Variants in RNF213 observed in about 807,000 individuals in gnomAD.
RNF213 encodes ring finger protein 213, also known as E3 ubiquitin-protein ligase RNF213.
Under a neutral mutation model 514.4 loss-of-function variants are expected in RNF213, and 341 were observed. That is an observed-to-expected ratio of 0.66 (90% CI 0.61 to 0.73). RNF213 has a LOEUF of 0.73. RNF213 is among the 30% of genes least tolerant of loss of function. RNF213 has a pLI of 0.00. For missense variants in RNF213, 5,767 were observed against 6,615.6 expected, an observed-to-expected ratio of 0.87 and a Z score of 4.45; for synonymous variants, 2,655 against 2,658.2, an observed-to-expected ratio of 1.00 and a Z score of 0.04.
chr17:80,362,630 C>T (rs955390273), intron 39 of RNF213, among the ~76,000 whole-genome samples: 4 of 152,242 alleles, frequency 2.6e-5, no homozygotes, highest in African/African-American at 9.6e-5. Flanking sequence ...GGGCGCCCTG[C>T]AGGGCTGCGT....
intron 15 of RNF213, among the ~76,000 whole-genome samples, chr17:80,313,797 A>G (rs1275175179): frequency 4.4e-4 from 51 of 116,164 alleles, no homozygotes; most frequent in African/African-American, 6.1e-4. Context: ...GGTGAAGGTG[A>G]TGGTGGAGGT....
chr17:80,278,243 C>T (rs1026915718), intron 3 of RNF213, among the ~76,000 whole-genome samples: 13 of 152,270 alleles, frequency 8.5e-5, no homozygotes, highest in African/African-American at 2.4e-4. Flanking sequence ...CGGCGATGCC[C>T]GGTGTGGTGT....
At chr17:80,351,846 T>C in intron 32 of RNF213, 43 bp downstream of exon 32, 1 of 1,093,908 alleles carries the variant, frequency 9.1e-7, no homozygotes, top group Non-Finnish European at 1.4e-6. Flanking sequence ...TATGTATTTA[T>C]TTATTTATTT....
intron 13 of RNF213, 29 bp downstream of exon 13, chr17:80,307,230 C>A (rs369199800): frequency 6.2e-7 from 1 of 1,609,622 alleles, no homozygotes; most frequent in East Asian, 2.2e-5. Flanking sequence ...GCAGTCTCTC[C>A]CTCACATGCG....
intron 18 of RNF213, among the ~76,000 whole-genome samples, 163 bp downstream of exon 18, chr17:80,325,361 G>A (rs1174669928): frequency 6.6e-6 from 1 of 152,278 alleles, no homozygotes; most frequent in East Asian, 1.9e-4. Flanking sequence ...AAGGCTCAGA[G>A]TGTCTTGCGT....
Position 80,385,089 on chromosome 17 carries a change from A to G in RNF213, c.14373A>G (p.Gln4791=). 1.2e-6 allele frequency: 2 copies of G among 1,614,150 alleles called. No homozygotes were observed. Among genetic ancestry groups the G allele is most frequent in the Middle Eastern group, 1.6e-4 (1 of 6,062 alleles). ...TCCTGCCTGAGATTTTGGCCTTGCA[A>G]AGGGATCTAGTGAAGCAGTTCCAGA... is the stretch of plus-strand genomic sequence containing the variant. ...VKFLPEILAL[Q]RDLVKQFQNV... The change falls in exon 60 of 68, where the codon CAA becomes CAG. Residue 4791 remains glutamine (Q), a synonymous_variant. Transcript: ENST00000582970.
intron 36 of RNF213, among the ~76,000 whole-genome samples, chr17:80,356,565 G>C (rs1348081833): frequency 1.3e-5 from 2 of 152,174 alleles, no homozygotes; most frequent in Admixed American, 1.3e-4. Flanking sequence ...TTGCCCTCTC[G>C]GGATTAAACA....
At chr17:80,383,612 G>A in intron 58 of RNF213, 65 bp from the exon 59 acceptor site, 1 of 1,552,280 alleles carries the variant, frequency 6.4e-7, no homozygotes, top group African/African-American at 1.4e-5. Flanking sequence ...GAGTTACTGG[G>A]TGTTACAATC....
At chr17:80,331,546 G>A (rs984776272) in intron 20 of RNF213, among the ~76,000 whole-genome samples, 13 of 151,924 alleles carry the variant, frequency 8.6e-5, no homozygotes, top group Middle Eastern at 3.4e-3. Flanking sequence ...GCTCCACCAC[G>A]CCTGGCTAAT....
At chr17:80,319,757 G>A (rs553455073) in intron 17 of RNF213, 42 of 1,314,694 alleles carry the variant, frequency 3.2e-5, no homozygotes, top group South Asian at 1.1e-4. Context: ...AGCTCTTTTC[G>A]GCAAAGGGGA....
intron 15 of RNF213, among the ~76,000 whole-genome samples, chr17:80,313,917 G>C (rs1598991218): frequency 1.7e-4 from 1 of 5,994 alleles, no homozygotes; most frequent in Non-Finnish European, 3.1e-4. Flanking sequence ...GGTGGTGATG[G>C]TGGAGGTGGT....
rs778930203 is a variant in RNF213, at chr17:80,371,856, A to G, written c.12426-18A>G. On this transcript the variant is annotated intron_variant, in intron 46 of 67. Transcript: ENST00000582970. ...TCCAGATCTGAGAGAACCAGGAATA[A>G]TATTTCTCTTTCTGCAGCTTTCATG... The G allele has an allele frequency of 1.6e-6, 2 of 1,240,324 alleles. No homozygotes were observed. The highest frequency in any genetic ancestry group is 1.2e-5 in the South Asian group (1 of 82,598). The allele number at this position is 1,240,324 out of a possible 1,614,324, so 76.8% of individuals were successfully genotyped here. A position where few individuals can be genotyped will look rare whatever the true frequency, so the allele number is the denominator to read the frequency against.
intron 46 of RNF213, among the ~76,000 whole-genome samples, chr17:80,370,556 C>T (rs756235883): frequency 7.9e-5 from 12 of 152,098 alleles, no homozygotes; most frequent in Non-Finnish European, 7.3e-5. Context: ...TTTTCTTCAC[C>T]GCCATGCACA....
At chr17:80,383,195 C>T (rs112619664) in intron 58 of RNF213, 125 bp downstream of exon 58, 132 of 726,340 alleles carry the variant, frequency 1.8e-4, no homozygotes, top group African/African-American at 1.8e-3. Flanking sequence ...TGACTGAGCC[C>T]CAGATTCCAA....
intron 42 of RNF213, chr17:80,365,174 C>G (rs12150356): frequency 0.48 from 76,196 of 157,744 alleles, 20,001 homozygotes; most frequent in Non-Finnish European, 0.59. Flanking sequence ...CACCCGCACC[C>G]GTGACCTTCA....
rs1418878454 is a variant in RNF213, at chr17:80,327,789, T to C, written c.3194-27T>C. The C allele has an allele frequency of 3.3e-6, 5 of 1,524,680 alleles. No individual in the cohort carries two copies. In the East Asian group the frequency reaches 9.8e-5, roughly 30 times the overall value. The allele number at this position is 1,524,680 out of a possible 1,614,324, so 94.4% of individuals were successfully genotyped here. A position where few individuals can be genotyped will look rare whatever the true frequency, so the allele number is the denominator to read the frequency against. Reference sequence around the variant, plus strand: ...GAGGCAGGAGGTGGGGAGCCCACTGTGTTAACTGTGTTCTTCATCTATTCA... The same window carrying C: ...GAGGCAGGAGGTGGGGAGCCCACTGCGTTAACTGTGTTCTTCATCTATTCA... On this transcript the variant is annotated intron_variant, in intron 18 of 67. Transcript: ENST00000582970.
In RNF213 at chr17:80,298,752, G is replaced by A. The variant is rs2045059340; in HGVS notation, c.2210+234G>A. 7 of 484,254 alleles carry A rather than the reference G, an allele frequency of 1.4e-5. No individual in the cohort carries two copies. The South Asian group carries it at 1.5e-4, about 10-fold the overall frequency. The allele number at this position is 484,254 out of a possible 1,614,324, so 30.0% of individuals were successfully genotyped here. A position where few individuals can be genotyped will look rare whatever the true frequency, so the allele number is the denominator to read the frequency against. ...GGCTGAGACGGGTGGATCACCTGAG[G>A]TCAGGAGTTCGAGACCAGCCTGGCC... On this transcript the variant is annotated intron_variant, in intron 11 of 67. Transcript: ENST00000582970.
At chr17:80,374,328 G>C in intron 49 of RNF213, 130 bp from the exon 50 acceptor site, 14 of 1,212,724 alleles carry the variant, frequency 1.2e-5, no homozygotes, top group Non-Finnish European at 1.6e-5. Context: ...CCTCAGGCCA[G>C]GTCAGGGAAT....
rs1047424356 is a variant in RNF213, at chr17:80,388,619, C to T, written c.14930C>T (p.Pro4977Leu). Residue 4977 changes from proline (P) to leucine (L), a missense_variant, in exon 64 of 68, where the codon CCC becomes CTC. Physicochemically the swap from Pro to Leu is moderately conservative, Grantham distance 98. Coordinates refer to ENST00000582970, the MANE Select transcript of RNF213 (RefSeq NM_001256071.3). ...TTTTCTTTCCCAATTTAGGGAATAC[C>T]CACTCTGGTGTACAGACACGACTGG... ...GKPRLSLKGI[P>L]TLVYRHDWNY... The T allele has an allele frequency of 3.1e-6, 5 of 1,608,476 alleles. No individual in the cohort carries two copies. The Admixed American group carries it at 5.0e-5, about 16-fold the overall frequency.
Sources: allele counts gnomAD v4.1 joint callset (sites outside exome capture counted in the v4.1 genomes callset), GRCh38; gene constraint gnomAD v4.1.1; transcripts MANE v1.5; gene names NCBI Gene and HGNC (gene_info 2026-07-23, HGNC 2026-07-21).